KCNN2: variants seen among roughly 807,000 people sequenced by gnomAD.
KCNN2 encodes the protein small conductance calcium-activated potassium channel protein 2.
Under a neutral mutation model 55.5 loss-of-function variants are expected in KCNN2, and 24 were observed. The ratio of observed to expected loss-of-function variants is 0.43; its 90% CI spans 0.31 to 0.61. The LOEUF is 0.61. KCNN2 is among the 20% of genes least tolerant of loss of function. The probability of loss-of-function intolerance (pLI) is 0.08; values close to 1 mark genes in which losing one functional copy is unlikely to be tolerated. For synonymous variants in KCNN2, 431 were observed against 336.1 expected, an observed-to-expected ratio of 1.28 and a Z score of -3.09; for missense variants, 754 against 853.6, an observed-to-expected ratio of 0.88 and a Z score of 1.45.
At chr5:114,156,064 G>C (rs1025131684) in intron 1 of KCNN2, among the ~76,000 whole-genome samples, 2 of 152,140 alleles carry the variant, frequency 1.3e-5, no homozygotes, top group African/African-American at 4.8e-5. Flanking sequence ...TGTATATGAT[G>C]TAAGGAAGGG....
chr5:114,172,324 A>G (rs1753051390), intron 1 of KCNN2, among the ~76,000 whole-genome samples: 1 of 151,854 alleles, frequency 6.6e-6, no homozygotes, highest in African/African-American at 2.4e-5. Context: ...TAGGGTTTTT[A>G]CCTTATTTTT....
At chr5:114,080,658 A>G (rs2632135) in intron 1 of KCNN2, among the ~76,000 whole-genome samples, 4,028 of 152,290 alleles carry the variant, frequency 0.026, 181 homozygotes, top group African/African-American at 0.091. Context: ...AACACTAAAC[A>G]TAGTAAGAAT....
At chr5:114,361,350 C>T (rs1156238673), upstream of KCNN2, among the ~76,000 whole-genome samples, 3 of 152,156 alleles carry the variant, frequency 2.0e-5, no homozygotes, top group African/African-American at 7.2e-5. Flanking sequence ...ATCCAGATTC[C>T]AGAGCCTGCC....
At chr5:114,205,143 T>C (rs1168090065) in intron 1 of KCNN2, among the ~76,000 whole-genome samples, 2 of 152,116 alleles carry the variant, frequency 1.3e-5, no homozygotes, top group African/African-American at 2.4e-5. Context: ...TCTGTCTTTG[T>C]GTATAGGCAG....
intron 1 of KCNN2, among the ~76,000 whole-genome samples, chr5:114,077,471 T>C (rs2112535161): frequency 6.6e-6 from 1 of 152,294 alleles, no homozygotes; most frequent in East Asian, 1.9e-4. Context: ...ATGGGACACC[T>C]GACAACACTG....
intron 2 of KCNN2, among the ~76,000 whole-genome samples, chr5:114,402,785 A>T (rs1335641807): frequency 6.6e-6 from 1 of 152,204 alleles, no homozygotes; most frequent in African/African-American, 2.4e-5. Context: ...GCCATAGGCC[A>T]CCTGCAGCAG....
At chr5:114,265,451 C>A (rs1755191809) in intron 2 of KCNN2, among the ~76,000 whole-genome samples, 1 of 151,674 alleles carries the variant, frequency 6.6e-6, no homozygotes, top group Non-Finnish European at 1.5e-5. Context: ...AGCTGGAGGC[C>A]CAGGAAAACT....
In KCNN2 at chr5:114,222,153, G is replaced by A. The variant is rs1754152769; in HGVS notation, c.-185+588G>A. 2.0e-5 allele frequency among the ~76,000 whole-genome samples: 3 copies of A among 152,142 alleles called. 1 individual carries two copies. In the South Asian group the frequency reaches 6.2e-4, roughly 32 times the overall value. ...ATATCCAAAGCAGAATGCAAAAATA[G>A]TTTGCAAGGTCTCCTGTAGTTCCTT... On this transcript the variant is annotated intron_variant, in intron 2 of 10. Transcript: ENST00000512097.
chr5:114,116,074 G>A (rs1751703416), intron 1 of KCNN2, among the ~76,000 whole-genome samples: 1 of 152,146 alleles, frequency 6.6e-6, no homozygotes, highest in African/African-American at 2.4e-5. Context: ...TTAGCGAGCA[G>A]AAGAAATATG....
intron 1 of KCNN2, among the ~76,000 whole-genome samples, chr5:114,188,381 T>A (rs1210607953): frequency 6.6e-6 from 1 of 152,200 alleles, no homozygotes; most frequent in Non-Finnish European, 1.5e-5. Flanking sequence ...TGAAGACAGA[T>A]ATTATCTGTA....
intron 3 of KCNN2, among the ~76,000 whole-genome samples, chr5:114,454,416 T>C (rs1273393228): frequency 1.3e-5 from 2 of 152,038 alleles, no homozygotes; most frequent in Non-Finnish European, 2.9e-5. Flanking sequence ...AGGGTAAGGG[T>C]TTACTGTTTG....
chr5:114,083,773 A>T (rs1601701), intron 1 of KCNN2, among the ~76,000 whole-genome samples: 70,744 of 151,926 alleles, frequency 0.47, 16,661 homozygotes, highest in East Asian at 0.66. Flanking sequence ...TAATGTCATT[A>T]ATCCACCCTT....
rs552849357 is a variant in KCNN2, at chr5:114,139,713, A to G, written c.-270-81767A>G. On this transcript the variant is annotated intron_variant, in intron 1 of 10. Coordinates refer to the KCNN2 transcript ENST00000512097. Reference sequence around the variant, plus strand: ...TCTAAATATTCACATATACACTTGTATATTTTTTTTTCAAAAATCAGAACT... The same window carrying G: ...TCTAAATATTCACATATACACTTGTGTATTTTTTTTTCAAAAATCAGAACT... Among the ~76,000 whole-genome samples, 4 of 151,874 alleles carry G rather than the reference A, an allele frequency of 2.6e-5. No homozygotes were observed. In the East Asian group the frequency reaches 7.7e-4, roughly 29 times the overall value.
chr5:114,214,320 G>A (rs1225676145), intron 1 of KCNN2, among the ~76,000 whole-genome samples: 1 of 151,788 alleles, frequency 6.6e-6, no homozygotes, highest in Admixed American at 6.6e-5. Context: ...AGTAGATGAC[G>A]GGCTTGATTT....
chr5:114,141,569 G>A, intron 1 of KCNN2, among the ~76,000 whole-genome samples: 1 of 152,126 alleles, frequency 6.6e-6, no homozygotes, highest in East Asian at 1.9e-4. Flanking sequence ...CTTTGCTATT[G>A]TGAATAGTGC....
chr5:114,251,779 C>T (rs1754866570), intron 2 of KCNN2, among the ~76,000 whole-genome samples: 1 of 150,322 alleles, frequency 6.7e-6, no homozygotes, highest in East Asian at 2.0e-4. Flanking sequence ...TTCTTCTGGA[C>T]CCTGAGTATA....
chr5:114,111,276 A>G (rs1751590765), intron 1 of KCNN2, among the ~76,000 whole-genome samples: 2 of 152,188 alleles, frequency 1.3e-5, no homozygotes, highest in South Asian at 4.1e-4. Context: ...CAGGCTAGCC[A>G]TATGTAGAAA....
chr5:114,103,794 G>C (rs569543995), intron 1 of KCNN2, among the ~76,000 whole-genome samples: 2 of 152,146 alleles, frequency 1.3e-5, no homozygotes, highest in South Asian at 2.1e-4. Context: ...GCTGGTGGAA[G>C]AGCTTTTTAA....
chr5:114,352,285 T>C (rs1757218580), intron 2 of KCNN2, among the ~76,000 whole-genome samples: 1 of 151,720 alleles, frequency 6.6e-6, no homozygotes, highest in Non-Finnish European at 1.5e-5. Context: ...TTACCAGATT[T>C]TAGTAATATG....
Sources: gnomAD v4.1 joint callset for allele counts (sites outside exome capture counted in the v4.1 genomes callset) on GRCh38, gnomAD v4.1.1 for gene constraint, MANE v1.5 for transcripts, NCBI Gene and HGNC (gene_info 2026-07-23, HGNC 2026-07-21) for gene names.